CDH19: variants seen among roughly 807,000 people sequenced by gnomAD.
CDH19 encodes cadherin 19.
A neutral mutation model predicts 64.2 loss-of-function variants in CDH19; 67 were observed. The ratio of observed to expected loss-of-function variants is 1.04; its 90% CI spans 0.86 to 1.28. The LOEUF is 1.28. CDH19 is among the 50% of genes most tolerant of loss of function. The pLI is 0.00. For synonymous variants in CDH19, 346 were observed against 319.3 expected, an observed-to-expected ratio of 1.08 and a Z score of -0.89; for missense variants, 1,030 against 929.0, an observed-to-expected ratio of 1.11 and a Z score of -1.41.
At chr18:66,578,405 C>T (rs1275464461) in intron 1 of CDH19, among the ~76,000 whole-genome samples, 1 of 151,642 alleles carries the variant, frequency 6.6e-6, no homozygotes, top group Non-Finnish European at 1.5e-5. Context: ...CGGGTAAATG[C>T]AAATTAAAAC....
chr18:66,523,116 AT>A (rs1323774884), intron 9 of CDH19, among the ~76,000 whole-genome samples: 13 of 152,178 alleles, frequency 8.5e-5, no homozygotes, highest in African/African-American at 3.1e-4. Context: ...TTTACTGACA[AT>A]TCCATCTGTA....
At chr18:66,531,309 G>A (rs1393257665) in intron 8 of CDH19, among the ~76,000 whole-genome samples, 1 of 152,162 alleles carries the variant, frequency 6.6e-6, no homozygotes, top group East Asian at 1.9e-4. Context: ...GATATTATGT[G>A]GATTTATTAA....
At chr18:66,524,546 A>G (rs193043196) in intron 9 of CDH19, among the ~76,000 whole-genome samples, 14,375 of 121,608 alleles carry the variant, frequency 0.12, 907 homozygotes, top group South Asian at 0.15. Flanking sequence ...TTGTGTGTAT[A>G]TATATATATA....
intron 11 of CDH19, among the ~76,000 whole-genome samples, chr18:66,505,585 A>G (rs533931160): frequency 1.4e-5 from 2 of 147,486 alleles, no homozygotes; most frequent in Non-Finnish European, 3.0e-5. Context: ...TAATATATAT[A>G]GTGAACTATA....
intron 9 of CDH19, among the ~76,000 whole-genome samples, chr18:66,526,919 A>C (rs1986243115): frequency 6.6e-6 from 1 of 151,826 alleles, no homozygotes; most frequent in African/African-American, 2.4e-5. Flanking sequence ...TTTTAGTTTC[A>C]TTTCTATTTT....
chr18:66,548,268 T>TAAA (rs372768193), intron 5 of CDH19, among the ~76,000 whole-genome samples: 6,301 of 146,046 alleles, frequency 0.043, 394 homozygotes, highest in African/African-American at 0.13. Context: ...TATATTTTTT[T>TAAA]AAAAATATAT....
rs901483905 is a variant in CDH19 at position 66,507,228 on chromosome 18, A to G, written c.1828+1767T>C. On this transcript the variant is annotated intron_variant, in intron 11 of 11. Coordinates refer to ENST00000262150, the MANE Select transcript of CDH19 (RefSeq NM_021153.4). ...TATGAATTCAGCTTCATAATCAAAG[A>G]TCATTAAAAATAATTTTAAAAACTG... Among the ~76,000 whole-genome samples the G allele has an allele frequency of 2.6e-5, 4 of 151,916 alleles. 1 individual carries two copies. The highest frequency in any genetic ancestry group is 2.6e-4 in the Admixed American group (4 of 15,212).
intron 1 of CDH19, among the ~76,000 whole-genome samples, chr18:66,573,893 CCACACACACACACACACA>C (rs140587493): frequency 1.4e-5 from 2 of 145,156 alleles, no homozygotes; most frequent in Non-Finnish European, 3.1e-5. Context: ...ACCACTGAAG[CCACACACACACACACACA>C]CACACACACA....
intron 1 of CDH19, among the ~76,000 whole-genome samples, chr18:66,600,456 T>C (rs1022590109): frequency 6.6e-6 from 1 of 151,896 alleles, no homozygotes; most frequent in African/African-American, 2.4e-5. Context: ...CTCAATGACA[T>C]GATTATAATC....
At chr18:66,555,343 G>T (rs758073055) in intron 3 of CDH19, among the ~76,000 whole-genome samples, 1 of 151,520 alleles carries the variant, frequency 6.6e-6, no homozygotes, top group Non-Finnish European at 1.5e-5. Context: ...AAATCAAATA[G>T]CTTCTGTGGT....
chr18:66,520,343 T>G (rs1453199896), intron 9 of CDH19, among the ~76,000 whole-genome samples: 1 of 102,114 alleles, frequency 9.8e-6, no homozygotes, highest in Non-Finnish European at 2.1e-5. Context: ...AAATAGCTGT[T>G]TTTTTTTTTT....
chr18:66,508,121 T>C (rs1032663027), intron 11 of CDH19, among the ~76,000 whole-genome samples: 9 of 151,904 alleles, frequency 5.9e-5, no homozygotes, highest in African/African-American at 9.7e-5. Context: ...GATAACATTA[T>C]ACTAAATGAA....
intron 9 of CDH19, among the ~76,000 whole-genome samples, chr18:66,521,757 A>G (rs1985996969): frequency 6.6e-6 from 1 of 151,650 alleles, no homozygotes; most frequent in Admixed American, 6.6e-5. Flanking sequence ...CCAGTCCAGA[A>G]AGGCTGGTCT....
intron 9 of CDH19, among the ~76,000 whole-genome samples, chr18:66,514,000 TA>T (rs1985618790): frequency 2.0e-5 from 3 of 151,476 alleles, no homozygotes; most frequent in Admixed American, 2.0e-4. Context: ...TACAATTTAA[TA>T]AGAACTTACC....
chr18:66,528,944 G>C (rs1050650285), intron 9 of CDH19, among the ~76,000 whole-genome samples: 1 of 151,822 alleles, frequency 6.6e-6, no homozygotes. Flanking sequence ...TTGAACATTA[G>C]TGGACATTTT....
chr18:66,550,691 T>C (rs1987306890), intron 5 of CDH19, among the ~76,000 whole-genome samples: 1 of 152,048 alleles, frequency 6.6e-6, no homozygotes, highest in Non-Finnish European at 1.5e-5. Context: ...CTTCAGGAAT[T>C]AAGGATGTCT....
At position 66,501,455 on chromosome 18, in the gene CDH19, T is replaced by C. The variant is rs1007666330; in HGVS notation, c.*3357A>G. 2 of 152,134 alleles carry C rather than the reference T, an allele frequency of 1.3e-5. No homozygotes were observed. Among genetic ancestry groups the C allele is most frequent in the Non-Finnish European group, 2.9e-5 (2 of 68,062 alleles). The allele number at this position is 152,134 out of a possible 1,614,324, so 9.4% of individuals were successfully genotyped here. ...TGATGTAATGGAAAATAGAAGTGTTTGAAGGAAGATTGCTTTAGTAACTGA... is the reference window on the plus strand; with the variant it reads ...TGATGTAATGGAAAATAGAAGTGTTCGAAGGAAGATTGCTTTAGTAACTGA... On this transcript the variant is annotated 3_prime_UTR_variant, in exon 12 of 12. Transcript: ENST00000262150.
chr18:66,564,391 G>A (rs532568760), intron 3 of CDH19, among the ~76,000 whole-genome samples: 1 of 151,806 alleles, frequency 6.6e-6, no homozygotes, highest in East Asian at 1.9e-4. Context: ...AAAAGCATCT[G>A]GTTTTGAAAA....
Position 66,588,807 on chromosome 18 carries a change from T to A in CDH19, c.-113+15147A>T, listed in dbSNP as rs570390010. ...TTATTACACAGTGTTTCACTTAAAG[T>A]TACAGTTTGAAGACTGAAGTGGAAT... On this transcript the variant is annotated intron_variant, in intron 1 of 11. Coordinates refer to ENST00000262150, the MANE Select transcript of CDH19 (RefSeq NM_021153.4). 9.2e-5 allele frequency among the ~76,000 whole-genome samples: 14 copies of A among 151,706 alleles called. No individual in the cohort carries two copies. In the South Asian group the frequency reaches 2.9e-3, roughly 32 times the overall value.
Sources: allele counts gnomAD v4.1 joint callset (sites outside exome capture counted in the v4.1 genomes callset), GRCh38; gene constraint gnomAD v4.1.1; transcripts MANE v1.5; gene names NCBI Gene and HGNC (gene_info 2026-07-23, HGNC 2026-07-21).